The following NEK11 variants were observed in gnomAD, a reference collection of about 807,000 sequenced individuals.
NEK11 encodes the protein NIMA related kinase 11.
A neutral mutation model predicts 80.7 loss-of-function variants in NEK11; 72 were observed. That is an observed-to-expected ratio of 0.89 (90% CI 0.74 to 1.08). The LOEUF is 1.08. NEK11 is among the 50% of genes least tolerant of loss of function. The pLI, the probability that NEK11 is intolerant of heterozygous loss-of-function variation, is 0.00. For missense variants in NEK11, 764 were observed against 763.6 expected (o/e 1.00, Z -0.01); for synonymous variants, 251 against 260.7 (o/e 0.96, Z 0.36).
At chr3:131,120,484 T>C (rs2082175150) in intron 5 of NEK11, among the ~76,000 whole-genome samples, 1 of 152,172 alleles carries the variant, frequency 6.6e-6, no homozygotes, top group Non-Finnish European at 1.5e-5. Context: ...AGGAGTTTCT[T>C]TGTGGCATTC....
intron 4 of NEK11, among the ~76,000 whole-genome samples, chr3:131,107,490 G>A (rs1182568809): frequency 6.6e-6 from 1 of 151,910 alleles, no homozygotes; most frequent in African/African-American, 2.4e-5. Flanking sequence ...CTCTTCTGAA[G>A]GTATTCAGGA....
intron 4 of NEK11, among the ~76,000 whole-genome samples, chr3:131,085,145 C>A (rs1188533849): frequency 1.3e-5 from 2 of 152,288 alleles, no homozygotes; most frequent in East Asian, 3.9e-4. Flanking sequence ...ACCTTCTGAT[C>A]CTAATTTAGC....
At chr3:131,243,212 T>G (rs923394998) in intron 15 of NEK11, among the ~76,000 whole-genome samples, 8 of 152,152 alleles carry the variant, frequency 5.3e-5, no homozygotes, top group Non-Finnish European at 1.0e-4. Flanking sequence ...CATTTTTTTG[T>G]ATGTTTTTGC....
chr3:131,134,034 T>G, intron 7 of NEK11, 78 bp downstream of exon 7: 1 of 1,250,570 alleles, frequency 8.0e-7, no homozygotes, highest in East Asian at 2.5e-5. Context: ...CTCATTTACT[T>G]ACTGCATACA....
At chr3:131,118,967 T>C (rs1466829573) in intron 5 of NEK11, among the ~76,000 whole-genome samples, 1 of 152,192 alleles carries the variant, frequency 6.6e-6, no homozygotes, top group African/African-American at 2.4e-5. Context: ...TGTCTCTATC[T>C]TCTTCAGTTC....
At chr3:131,303,053 T>G (rs761692256) in intron 17 of NEK11, among the ~76,000 whole-genome samples, 1 of 152,216 alleles carries the variant, frequency 6.6e-6, no homozygotes, top group African/African-American at 2.4e-5. Flanking sequence ...TAGGTCTTCT[T>G]GTTGAATTGA....
chr3:131,341,688 G>A (rs1285858085), intron 17 of NEK11, among the ~76,000 whole-genome samples: 1 of 152,066 alleles, frequency 6.6e-6, no homozygotes, highest in Non-Finnish European at 1.5e-5. Flanking sequence ...TTAGATGCAT[G>A]CTCATTTAGA....
At chr3:131,174,703 G>A in intron 14 of NEK11, 1 of 1,524,112 alleles carries the variant, frequency 6.6e-7, no homozygotes, top group Non-Finnish European at 8.9e-7. Context: ...ATGATATCTT[G>A]CACATTAATT....
chr3:131,210,602 G>A (rs543645132), intron 14 of NEK11, among the ~76,000 whole-genome samples: 49 of 152,256 alleles, frequency 3.2e-4, no homozygotes, highest in African/African-American at 1.1e-3. Flanking sequence ...TATTGTGTGG[G>A]AGTCTAAGTC....
chr3:131,153,628 C>A lies in NEK11; in HGVS notation c.876+919C>A, dbSNP rs964075115. Among the ~76,000 whole-genome samples, 8 of 152,056 alleles carry A rather than the reference C, an allele frequency of 5.3e-5. No individual in the cohort carries two copies. In the East Asian group the frequency reaches 1.6e-3, roughly 29 times the overall value. On this transcript the variant is annotated intron_variant, in intron 9 of 17. Transcript: ENST00000383366. ...CATCCACTTTAAAAACTGTGGGTAC[C>A]TTTTCATCAGTGGGGCATGTTCCAA...
chr3:131,315,556 T>C (rs2096829782), intron 17 of NEK11, among the ~76,000 whole-genome samples: 1 of 149,788 alleles, frequency 6.7e-6, no homozygotes, highest in Non-Finnish European at 1.5e-5. Context: ...TTTTTTTTTT[T>C]CTTCAACTTT....
chr3:131,131,290 A>G (rs978414081), intron 5 of NEK11, among the ~76,000 whole-genome samples: 2 of 152,178 alleles, frequency 1.3e-5, no homozygotes, highest in Non-Finnish European at 2.9e-5. Flanking sequence ...GAGATTATAG[A>G]TATTTGGTGC....
intron 17 of NEK11, among the ~76,000 whole-genome samples, chr3:131,293,263 G>A (rs541379379): frequency 6.6e-6 from 1 of 151,962 alleles, no homozygotes; most frequent in Non-Finnish European, 1.5e-5. Flanking sequence ...AATTTTTCCT[G>A]TATTCCTAGT....
Position 131,350,097 on chromosome 3 carries a change from C to T in NEK11, c.*321C>T, listed in dbSNP as rs957784177. On this transcript the variant is annotated 3_prime_UTR_variant, in exon 18 of 18. Coordinates refer to ENST00000383366, the MANE Select transcript of NEK11 (RefSeq NM_024800.5). ...ACCCTGACGATGACCGGGGAGAAGC[C>T]GTGTGCTCTTCATTATTTTCAGCTG... 7.3e-6 allele frequency: 2 copies of T among 273,350 alleles called. No individual in the cohort carries two copies. Among genetic ancestry groups the T allele is most frequent in the Non-Finnish European group, 1.4e-5 (2 of 141,592 alleles). The allele number at this position is 273,350 out of a possible 1,614,324, so 16.9% of individuals were successfully genotyped here. A position where few individuals can be genotyped will look rare whatever the true frequency, so the allele number is the denominator to read the frequency against.
intron 17 of NEK11, among the ~76,000 whole-genome samples, chr3:131,333,972 T>C (rs1033109769): frequency 1.3e-5 from 2 of 152,042 alleles, no homozygotes; most frequent in Admixed American, 6.6e-5. Flanking sequence ...ATAAAGCAAG[T>C]CCTGAGTGAC....
chr3:131,187,558 A>G (rs2093646784), intron 14 of NEK11, among the ~76,000 whole-genome samples: 1 of 152,142 alleles, frequency 6.6e-6, no homozygotes, highest in Non-Finnish European at 1.5e-5. Context: ...CTCCTTTTTC[A>G]TAGAGAAGGA....
At chr3:131,082,142 T>C (rs1488291513) in intron 4 of NEK11, among the ~76,000 whole-genome samples, 1 of 152,196 alleles carries the variant, frequency 6.6e-6, no homozygotes, top group African/African-American at 2.4e-5. Flanking sequence ...ATCCAGTGGA[T>C]TGCTGAGAAA....
chr3:131,228,730 G>A (rs756989460), intron 15 of NEK11, 42 bp downstream of exon 15: 7 of 1,568,792 alleles, frequency 4.5e-6, no homozygotes, highest in Non-Finnish European at 6.1e-6. Context: ...ACTGTTCAAG[G>A]TACTGATTGG....
intron 14 of NEK11, 34 bp downstream of exon 14, chr3:131,170,921 C>T (rs751730565): frequency 6.7e-7 from 1 of 1,498,444 alleles, no homozygotes; most frequent in Non-Finnish European, 9.3e-7. Flanking sequence ...GAAGGATGCT[C>T]ACAGCTGCTG....
Sources: allele counts gnomAD v4.1 joint callset (sites outside exome capture counted in the v4.1 genomes callset), GRCh38; gene constraint gnomAD v4.1.1; transcripts MANE v1.5; gene names NCBI Gene and HGNC (gene_info 2026-07-23, HGNC 2026-07-21).